The following NKAIN3 variants were observed in gnomAD, a reference collection of about 807,000 sequenced individuals.
The protein encoded by NKAIN3 is sodium/potassium transporting ATPase interacting 3.
Under a neutral mutation model 30.2 loss-of-function variants are expected in NKAIN3, and 25 were observed. That is an observed-to-expected ratio of 0.83 (90% CI 0.60 to 1.16). The LOEUF (loss-of-function observed/expected upper bound fraction) is 1.16. NKAIN3 is among the 50% of genes most tolerant of loss of function. The pLI, the probability that NKAIN3 is intolerant of heterozygous loss-of-function variation, is 0.00. For synonymous variants in NKAIN3, 91 were observed against 89.6 expected (o/e 1.02, Z -0.09); for missense variants, 225 against 254.1 (o/e 0.89, Z 0.78).
Position 62,686,452 on chromosome 8 carries a change from G to GA in NKAIN3, c.274-60472dup, listed in dbSNP as rs201815000. Among the ~76,000 whole-genome samples the GA allele has an allele frequency of 4.7e-3, 719 of 151,832 alleles. 6 individuals carry two copies. Among genetic ancestry groups the GA allele is most frequent in the Non-Finnish European group, 5.7e-3 (387 of 67,930 alleles). On this transcript the variant is annotated intron_variant, in intron 3 of 6. Transcript: ENST00000623646. The stretch of plus-strand genomic sequence containing the variant: ...TGTGACAATCTCTGTACAGCCTGCA[G>GA]AAAAAAAAGTGTTTTTAGAGAAAGG...
chr8:62,542,162 G>A (rs1808865811), intron 1 of NKAIN3, among the ~76,000 whole-genome samples: 1 of 152,170 alleles, frequency 6.6e-6, no homozygotes, highest in African/African-American at 2.4e-5. Flanking sequence ...AGAGAGCTGA[G>A]AAGTGGCAGT....
intron 1 of NKAIN3, among the ~76,000 whole-genome samples, chr8:62,493,603 G>T (rs1807143691): frequency 6.6e-6 from 1 of 151,934 alleles, no homozygotes; most frequent in African/African-American, 2.4e-5. Flanking sequence ...ATCTGTAAAT[G>T]GCTTTGAGCA....
chr8:62,623,205 C>T (rs1272483467), intron 3 of NKAIN3, among the ~76,000 whole-genome samples: 3 of 152,060 alleles, frequency 2.0e-5, no homozygotes, highest in Admixed American at 2.0e-4. Flanking sequence ...TTAGTATGTA[C>T]ATTAATCACT....
At chr8:62,855,834 A>G in intron 4 of NKAIN3, 2 of 842,732 alleles carry the variant, frequency 2.4e-6, no homozygotes. Flanking sequence ...AGGAGTCACC[A>G]GAAATTTCTG....
At chr8:62,551,788 G>A (rs574291806) in intron 1 of NKAIN3, among the ~76,000 whole-genome samples, 1 of 152,248 alleles carries the variant, frequency 6.6e-6, no homozygotes, top group African/African-American at 2.4e-5. Context: ...CTTATTCTTG[G>A]AATATTGGTA....
At chr8:62,263,840 A>G (rs1048179814) in intron 1 of NKAIN3, among the ~76,000 whole-genome samples, 2 of 152,208 alleles carry the variant, frequency 1.3e-5, no homozygotes, top group Non-Finnish European at 2.9e-5. Context: ...GGGCAGGACC[A>G]TATTACGTAT....
intron 3 of NKAIN3, among the ~76,000 whole-genome samples, chr8:62,604,863 T>C (rs1811077080): frequency 6.6e-6 from 1 of 152,160 alleles, no homozygotes; most frequent in Non-Finnish European, 1.5e-5. Context: ...ATCAAATCAT[T>C]CTTTCATTAA....
At chr8:62,309,954 C>G (rs1814374821) in intron 1 of NKAIN3, among the ~76,000 whole-genome samples, 1 of 150,158 alleles carries the variant, frequency 6.7e-6, no homozygotes, top group Non-Finnish European at 1.5e-5. Context: ...CACATTCATC[C>G]TCAACTATAA....
In NKAIN3 at chr8:62,971,315, ATTC is replaced by A. The variant is rs1261761946; in HGVS notation, c.*5911_*5913del. 6.6e-6 allele frequency among the ~76,000 whole-genome samples: 1 copy of A among 152,158 alleles called. No homozygotes were observed. Among genetic ancestry groups the A allele is most frequent in the East Asian group, 1.9e-4 (1 of 5,194 alleles). Reference sequence around the variant, plus strand: ...AAGAAACCTGGGTATTATAGTCTTTATTCTTAATGACTTTATGCTTAACTAAAA... The same window carrying A: ...AAGAAACCTGGGTATTATAGTCTTTATTAATGACTTTATGCTTAACTAAAA... On this transcript the variant is annotated 3_prime_UTR_variant, in exon 7 of 7. Transcript: ENST00000623646.
rs913007307 is a variant in NKAIN3 at position 62,965,356 on chromosome 8, C to T, written c.606C>T (p.Val202=). ...DHVELKPVKP[V]EISNDIEPEM... ...GCAATTCGTATTTTCTGTTTTAGGT[C>T]GAAATAAGTAATGACATTGAACCAG... The change falls in exon 7 of 7, where the codon GTC becomes GTT. Residue 202 remains valine, a splice_region_variant and synonymous_variant. Transcript: ENST00000623646. 6.1e-5 allele frequency: 60 copies of T among 985,404 alleles called. No individual in the cohort carries two copies. The highest frequency in any genetic ancestry group is 6.9e-5 in the Non-Finnish European group (57 of 829,756). The allele number at this position is 985,404 out of a possible 1,614,324, so 61.0% of individuals were successfully genotyped here.
intron 4 of NKAIN3, among the ~76,000 whole-genome samples, chr8:62,821,716 A>G (rs1476614643): frequency 6.6e-6 from 1 of 152,158 alleles, no homozygotes; most frequent in African/African-American, 2.4e-5. Flanking sequence ...TATGACATAT[A>G]AGCTTGCTAA....
chr8:62,591,952 A>G lies in NKAIN3; in HGVS notation c.273+2158A>G, dbSNP rs145914838. Among the ~76,000 whole-genome samples the G allele has an allele frequency of 5.9e-5, 9 of 152,132 alleles. No homozygotes were observed. The East Asian group carries it at 1.7e-3, about 30-fold the overall frequency. On this transcript the variant is annotated intron_variant, in intron 3 of 6. Transcript: ENST00000623646. ...CTCGTCCATATGAGTTGGTTTATAT[A>G]CTAACTTTCTAGATTCTCCATCTCC... is the stretch of plus-strand genomic sequence containing the variant.
chr8:62,442,613 T>A lies in NKAIN3; in HGVS notation c.55-136926T>A, dbSNP rs139944935. Among the ~76,000 whole-genome samples the A allele has an allele frequency of 6.8e-4, 103 of 151,990 alleles. 2 individuals are homozygous for A. Among genetic ancestry groups the A allele is most frequent in the Middle Eastern group, 3.4e-3 (1 of 294 alleles). On this transcript the variant is annotated intron_variant, in intron 1 of 6. Coordinates refer to ENST00000623646, the MANE Select transcript of NKAIN3 (RefSeq NM_001304533.3). ...CACTGATTGCTGCCTTTAATTTTTTTATTTTCTTTTTATTTTTGGCTTTAT... is the reference window on the plus strand; with the variant it reads ...CACTGATTGCTGCCTTTAATTTTTTAATTTTCTTTTTATTTTTGGCTTTAT...
At position 62,695,872 on chromosome 8, in the gene NKAIN3, G is replaced by A. The variant is rs182621692; in HGVS notation, c.274-51060G>A. 2.0e-4 allele frequency among the ~76,000 whole-genome samples: 30 copies of A among 152,178 alleles called. No homozygotes were observed. In the East Asian group the frequency reaches 3.3e-3, roughly 17 times the overall value. On this transcript the variant is annotated intron_variant, in intron 3 of 6. Coordinates refer to ENST00000623646, the MANE Select transcript of NKAIN3 (RefSeq NM_001304533.3). ...CTGCCATTTGCTCTTCTCTCACATT[G>A]GAGAGCATACAATAGGAAAATTTTT...
chr8:62,698,649 T>C (rs1281367810), intron 3 of NKAIN3, among the ~76,000 whole-genome samples: 1 of 152,212 alleles, frequency 6.6e-6, no homozygotes, highest in Non-Finnish European at 1.5e-5. Flanking sequence ...CTCATTCTTT[T>C]CCAACTAAAT....
At chr8:62,370,733 A>T (rs1354598730) in intron 1 of NKAIN3, among the ~76,000 whole-genome samples, 2 of 152,044 alleles carry the variant, frequency 1.3e-5, no homozygotes, top group Non-Finnish European at 2.9e-5. Flanking sequence ...TTAAATTTTT[A>T]AAATTGTAAA....
intron 1 of NKAIN3, among the ~76,000 whole-genome samples, chr8:62,269,122 A>G (rs982620493): frequency 1.3e-5 from 2 of 152,166 alleles, no homozygotes; most frequent in African/African-American, 4.8e-5. Context: ...CGGGAGATGT[A>G]TTCTTTGTAA....
intron 3 of NKAIN3, among the ~76,000 whole-genome samples, chr8:62,669,558 T>C (rs1813235896): frequency 1.3e-5 from 2 of 152,202 alleles, no homozygotes; most frequent in East Asian, 1.9e-4. Context: ...TTACATAATG[T>C]GTAACCATGT....
At chr8:62,890,040 A>G (rs1821257734) in intron 4 of NKAIN3, among the ~76,000 whole-genome samples, 1 of 152,156 alleles carries the variant, frequency 6.6e-6, no homozygotes, top group Non-Finnish European at 1.5e-5. Flanking sequence ...TGTGGTGTGT[A>G]GAAAAGGCTG....
Sources: gnomAD v4.1 joint callset for allele counts (sites outside exome capture counted in the v4.1 genomes callset) on GRCh38, gnomAD v4.1.1 for gene constraint, MANE v1.5 for transcripts, NCBI Gene and HGNC (gene_info 2026-07-23, HGNC 2026-07-21) for gene names.